The following MAPRE2 variants were observed in gnomAD, a reference collection of about 807,000 sequenced individuals.
MAPRE2 encodes microtubule associated protein RP/EB family member 2.
MAPRE2 carries 13 observed loss-of-function variants against 43.2 expected under a neutral mutation model. That is an observed-to-expected ratio of 0.30 (90% CI 0.20 to 0.48). The LOEUF is 0.48. MAPRE2 is among the 20% of genes least tolerant of loss of function. The probability of loss-of-function intolerance (pLI) is 0.99; values close to 1 mark genes in which losing one functional copy is unlikely to be tolerated. For synonymous variants in MAPRE2, 135 were observed against 148.8 expected (o/e 0.91, Z 0.68); for missense variants, 161 against 400.2 (o/e 0.40, Z 5.10).
At chr18:35,004,929 A>G (rs1039481340) in intron 1 of MAPRE2, among the ~76,000 whole-genome samples, 4 of 152,088 alleles carry the variant, frequency 2.6e-5, no homozygotes, top group Admixed American at 6.5e-5. Context: ...AAAAAAAAAA[A>G]AAAAGAAAAG....
chr18:34,985,890 TA>T (rs2097020759), intron 1 of MAPRE2, among the ~76,000 whole-genome samples: 1 of 151,064 alleles, frequency 6.6e-6, no homozygotes, highest in Admixed American at 6.7e-5. Context: ...CATGTAGCAC[TA>T]ATAGTTCTCT....
chr18:34,995,029 A>G (rs963225061), intron 1 of MAPRE2, among the ~76,000 whole-genome samples: 1 of 152,198 alleles, frequency 6.6e-6, no homozygotes, highest in Non-Finnish European at 1.5e-5. Context: ...TTCCATAGAA[A>G]CATGCATTGG....
At chr18:35,099,441 C>T (rs1908574616) in intron 3 of MAPRE2, among the ~76,000 whole-genome samples, 1 of 152,014 alleles carries the variant, frequency 6.6e-6, no homozygotes, top group South Asian at 2.1e-4. Flanking sequence ...ATTGTGAGAC[C>T]CCATCTCTAC....
chr18:35,013,659 C>G lies in MAPRE2; in HGVS notation c.-8+8106C>G, dbSNP rs181674199. On this transcript the variant is annotated intron_variant, in intron 2 of 7. Transcript: ENST00000413393. The stretch of plus-strand genomic sequence containing the variant: ...TTTGTATCCTTTAACAAATCTCTCC[C>G]TATCCTTTCCTTCCCCCAACCCTTC... Among the ~76,000 whole-genome samples the G allele has an allele frequency of 3.3e-5, 5 of 152,222 alleles. No individual in the cohort carries two copies. In the East Asian group the frequency reaches 9.6e-4, roughly 29 times the overall value.
intron 2 of MAPRE2, among the ~76,000 whole-genome samples, chr18:35,077,849 TCAC>T (rs1487497110): frequency 6.6e-6 from 1 of 152,230 alleles, no homozygotes; most frequent in Non-Finnish European, 1.5e-5. Context: ...TTGAAATCAT[TCAC>T]CAAGATCAAT....
intron 5 of MAPRE2, among the ~76,000 whole-genome samples, chr18:35,129,431 C>T (rs1194719521): frequency 6.6e-6 from 1 of 152,154 alleles, no homozygotes. Context: ...GTGCCATAAA[C>T]TTAGAGGAGT....
intron 2 of MAPRE2, among the ~76,000 whole-genome samples, chr18:35,092,230 G>A (rs1163951922): frequency 6.6e-6 from 1 of 152,202 alleles, no homozygotes; most frequent in East Asian, 1.9e-4. Flanking sequence ...TGAGATGTGG[G>A]TGGGGACGCA....
At chr18:35,108,550 G>C (rs1909018017) in intron 4 of MAPRE2, among the ~76,000 whole-genome samples, 1 of 152,098 alleles carries the variant, frequency 6.6e-6, no homozygotes, top group Non-Finnish European at 1.5e-5. Context: ...TCATCATACT[G>C]TCCTCCACAA....
intron 1 of MAPRE2, among the ~76,000 whole-genome samples, chr18:34,982,163 G>A (rs955045866): frequency 3.3e-5 from 5 of 152,100 alleles, no homozygotes; most frequent in South Asian, 2.1e-4. Context: ...GATTACAGGC[G>A]TGAGTCACTG....
intron 1 of MAPRE2, among the ~76,000 whole-genome samples, chr18:34,977,322 G>A (rs375318606): frequency 6.6e-6 from 1 of 152,318 alleles, no homozygotes; most frequent in East Asian, 1.9e-4. Context: ...CTCTGGTTCG[G>A]TGCCCCAGCT....
intron 1 of MAPRE2, among the ~76,000 whole-genome samples, chr18:35,055,561 GTGTA>G (rs1387793366): frequency 1.9e-4 from 29 of 149,632 alleles, no homozygotes; most frequent in African/African-American, 6.7e-4. Flanking sequence ...GTGTGTGTGT[GTGTA>G]TGTGTGTGTG....
intron 1 of MAPRE2, among the ~76,000 whole-genome samples, chr18:35,046,494 A>C (rs1201679695): frequency 1.3e-5 from 2 of 152,238 alleles, no homozygotes; most frequent in African/African-American, 4.8e-5. Flanking sequence ...CAGAATTTTC[A>C]CTGGCCTGGC....
In MAPRE2 at chr18:35,071,361, A is replaced by G. The variant is rs953417232; in HGVS notation, c.250+1039A>G. On this transcript the variant is annotated intron_variant, in intron 2 of 6. Transcript: ENST00000300249. Reference sequence around the variant, plus strand: ...GTACCACTGCCCAACAGCCTAGGTGACACAGTGAGACCCTGTCTCTAAAAC... The same window carrying G: ...GTACCACTGCCCAACAGCCTAGGTGGCACAGTGAGACCCTGTCTCTAAAAC... 3.9e-5 allele frequency among the ~76,000 whole-genome samples: 6 copies of G among 152,178 alleles called. No individual in the cohort carries two copies. In the East Asian group the frequency reaches 7.7e-4, roughly 20 times the overall value.
intron 4 of MAPRE2, among the ~76,000 whole-genome samples, chr18:35,107,294 G>C (rs1908953948): frequency 6.6e-6 from 1 of 152,112 alleles, no homozygotes; most frequent in East Asian, 1.9e-4. Flanking sequence ...ATGTAGATTT[G>C]AATAAATCCT....
chr18:35,009,416 A>G (rs1404957348), intron 2 of MAPRE2, among the ~76,000 whole-genome samples: 1 of 152,234 alleles, frequency 6.6e-6, no homozygotes, highest in Non-Finnish European at 1.5e-5. Context: ...AATCATTATA[A>G]GGGTGATAAG....
intron 2 of MAPRE2, among the ~76,000 whole-genome samples, chr18:35,035,241 T>C (rs1024540303): frequency 1.3e-5 from 2 of 151,750 alleles, no homozygotes; most frequent in African/African-American, 4.9e-5. Flanking sequence ...AAATCATCAT[T>C]CTCAGTAAAC....
intron 1 of MAPRE2, among the ~76,000 whole-genome samples, chr18:35,063,151 C>G (rs536435637): frequency 6.6e-6 from 1 of 151,830 alleles, no homozygotes; most frequent in Non-Finnish European, 1.5e-5. Flanking sequence ...TCGCCCAGGC[C>G]GGAGTGCAGT....
At chr18:35,058,998 T>G (rs930471194) in intron 1 of MAPRE2, among the ~76,000 whole-genome samples, 4 of 152,180 alleles carry the variant, frequency 2.6e-5, no homozygotes, top group African/African-American at 4.8e-5. Flanking sequence ...TATCTTTTCC[T>G]ACATAACATA....
intron 2 of MAPRE2, among the ~76,000 whole-genome samples, chr18:35,080,781 A>C (rs2144126533): frequency 6.6e-6 from 1 of 151,922 alleles, no homozygotes; most frequent in African/African-American, 2.4e-5. Flanking sequence ...ATTGCTTGGC[A>C]ACTCGTAAAG....
Sources: gnomAD v4.1 joint callset for allele counts (sites outside exome capture counted in the v4.1 genomes callset) on GRCh38, gnomAD v4.1.1 for gene constraint, MANE v1.5 for transcripts, NCBI Gene and HGNC (gene_info 2026-07-23, HGNC 2026-07-21) for gene names.